Variants in FER1L6 observed in about 807,000 individuals in gnomAD.
The protein encoded by FER1L6 is fer-1 like family member 6.
A neutral mutation model predicts 219.2 loss-of-function variants in FER1L6; 177 were observed. The observed-to-expected ratio is 0.81, with a 90% CI of 0.71 to 0.91. The LOEUF (loss-of-function observed/expected upper bound fraction) is 0.91. Among genes scored for constraint, FER1L6 ranks in the 40% least tolerant of loss-of-function variants. FER1L6 has a pLI of 0.00. For missense variants in FER1L6, 2,153 were observed against 2,259.9 expected (o/e 0.95, Z 0.96); for synonymous variants, 768 against 824.3 (o/e 0.93, Z 1.17).
chr8:124,099,523 A>G (rs953509832), intron 37 of FER1L6, among the ~76,000 whole-genome samples: 2 of 152,162 alleles, frequency 1.3e-5, no homozygotes, highest in African/African-American at 4.8e-5. Context: ...CATCTTCGCC[A>G]CATCCCACCA....
intron 1 of FER1L6, among the ~76,000 whole-genome samples, chr8:123,910,124 C>T (rs1813026330): frequency 6.6e-6 from 1 of 152,190 alleles, no homozygotes; most frequent in African/African-American, 2.4e-5. Context: ...AGATTTCCAT[C>T]CTAGGCAGCC....
chr8:123,918,871 T>C (rs1216791109), intron 1 of FER1L6, among the ~76,000 whole-genome samples: 3 of 152,090 alleles, frequency 2.0e-5, no homozygotes, highest in African/African-American at 7.2e-5. Context: ...TTAACAAACA[T>C]TTAGAGAGTG....
chr8:123,874,012 A>G (rs1816964558), intron 1 of FER1L6, among the ~76,000 whole-genome samples: 2 of 152,170 alleles, frequency 1.3e-5, no homozygotes, highest in Non-Finnish European at 2.9e-5. Context: ...ACATCTTATA[A>G]TTACCACCTT....
intron 1 of FER1L6, among the ~76,000 whole-genome samples, chr8:123,928,620 C>A (rs896356916): frequency 1.3e-5 from 2 of 152,190 alleles, no homozygotes; most frequent in Non-Finnish European, 2.9e-5. Flanking sequence ...AATCTTCAAG[C>A]CTGGTTCTCT....
chr8:124,052,411 T>C (rs1820087466), intron 22 of FER1L6, among the ~76,000 whole-genome samples: 3 of 152,174 alleles, frequency 2.0e-5, no homozygotes, highest in Admixed American at 1.3e-4. Flanking sequence ...AAGAGATCAG[T>C]GACACCTATG....
chr8:124,055,290 T>C (rs1481224673), intron 22 of FER1L6, among the ~76,000 whole-genome samples: 3 of 151,944 alleles, frequency 2.0e-5, no homozygotes, highest in African/African-American at 7.2e-5. Flanking sequence ...AATAAAAAAT[T>C]AGCTGGGCGT....
intron 2 of FER1L6, among the ~76,000 whole-genome samples, chr8:123,959,177 T>C (rs1337018353): frequency 6.6e-6 from 1 of 152,188 alleles, no homozygotes; most frequent in East Asian, 1.9e-4. Context: ...GAATGAGTGC[T>C]GTAGAAGAAG....
chr8:124,117,702 C>T (rs1375983780), intron 39 of FER1L6, among the ~76,000 whole-genome samples: 1 of 152,156 alleles, frequency 6.6e-6, no homozygotes, highest in African/African-American at 2.4e-5. Context: ...CTCAACCTTA[C>T]CCCATGTATT....
chr8:123,917,449 T>C (rs1409635910), intron 1 of FER1L6, among the ~76,000 whole-genome samples: 2 of 152,202 alleles, frequency 1.3e-5, no homozygotes, highest in African/African-American at 4.8e-5. Context: ...CTTCCGCACT[T>C]CAGGTATTCA....
At chr8:123,933,783 G>T (rs567518963) in intron 1 of FER1L6, among the ~76,000 whole-genome samples, 1 of 151,952 alleles carries the variant, frequency 6.6e-6, no homozygotes, top group African/African-American at 2.4e-5. Flanking sequence ...AATCCTATCC[G>T]GTTTCACCAT....
At chr8:123,929,397 A>G (rs1270502542) in intron 1 of FER1L6, among the ~76,000 whole-genome samples, 3 of 152,194 alleles carry the variant, frequency 2.0e-5, no homozygotes. Context: ...ACAGAGACAT[A>G]GACAGTAAGT....
chr8:123,998,596 T>A (rs1338723824), intron 12 of FER1L6, among the ~76,000 whole-genome samples: 1 of 152,122 alleles, frequency 6.6e-6, no homozygotes, highest in Admixed American at 6.5e-5. Context: ...CCAAGGGCTG[T>A]ACCTCAGCAG....
rs1252094867 is a variant in FER1L6 at position 123,972,641 on chromosome 8, G to A, written c.448-793G>A. 5.9e-5 allele frequency among the ~76,000 whole-genome samples: 9 copies of A among 152,258 alleles called. No individual in the cohort carries two copies. The East Asian group carries it at 9.7e-4, about 16-fold the overall frequency. On this transcript the variant is annotated intron_variant, in intron 6 of 40. Coordinates refer to ENST00000522917, the MANE Select transcript of FER1L6 (RefSeq NM_001039112.2). ...TATAAACATTGTTCTTATATTGAGT[G>A]GAAATCTCTCATCCTGTTATTTGGG...
At chr8:124,010,123 G>A (rs1817852272) in intron 13 of FER1L6, among the ~76,000 whole-genome samples, 1 of 151,700 alleles carries the variant, frequency 6.6e-6, no homozygotes, top group Non-Finnish European at 1.5e-5. Flanking sequence ...TCTTGTTCTG[G>A]TTTTAGGGTC....
chr8:124,088,411 G>T (rs1421336389), intron 33 of FER1L6, among the ~76,000 whole-genome samples: 1 of 151,980 alleles, frequency 6.6e-6, no homozygotes, highest in Non-Finnish European at 1.5e-5. Context: ...CTGCCCTCTG[G>T]CTTAGGGCAG....
At chr8:123,910,734 G>A (rs1813035821) in intron 1 of FER1L6, among the ~76,000 whole-genome samples, 1 of 152,142 alleles carries the variant, frequency 6.6e-6, no homozygotes, top group African/African-American at 2.4e-5. Flanking sequence ...TAGATGGCAT[G>A]CAACTGGGTA....
chr8:123,865,330 CT>C (rs1294160927), intron 1 of FER1L6, among the ~76,000 whole-genome samples: 2 of 149,840 alleles, frequency 1.3e-5, no homozygotes, highest in African/African-American at 5.1e-5. Flanking sequence ...AGGAGGCAGT[CT>C]GCCCGTTCTC....
intron 1 of FER1L6, among the ~76,000 whole-genome samples, chr8:123,932,498 T>C (rs1813810958): frequency 6.6e-6 from 1 of 152,240 alleles, no homozygotes; most frequent in Non-Finnish European, 1.5e-5. Context: ...ATAAATTCAT[T>C]TGAAAAATAA....
chr8:124,028,263 C>T (rs189253380), intron 18 of FER1L6, among the ~76,000 whole-genome samples: 2 of 152,306 alleles, frequency 1.3e-5, no homozygotes, highest in Middle Eastern at 3.4e-3. Context: ...ATTGGAATTG[C>T]TCTGGGCAGT....
Sources: allele counts gnomAD v4.1 joint callset (sites outside exome capture counted in the v4.1 genomes callset), GRCh38; gene constraint gnomAD v4.1.1; transcripts MANE v1.5; gene names NCBI Gene and HGNC (gene_info 2026-07-23, HGNC 2026-07-21).